Variants in TLE1 observed in about 807,000 individuals in gnomAD.
TLE1 encodes transducin-like enhancer protein 1.
A neutral mutation model predicts 89.8 loss-of-function variants in TLE1; 21 were observed. The ratio of observed to expected loss-of-function variants is 0.23; its 90% CI spans 0.17 to 0.34. TLE1 has a LOEUF of 0.34. Ranked by LOEUF, TLE1 falls within the 10% of genes least tolerant of loss-of-function variation. The probability of loss-of-function intolerance (pLI) is 1.00; values close to 1 mark genes in which losing one functional copy is unlikely to be tolerated. For synonymous variants in TLE1, 447 were observed against 407.6 expected (o/e 1.10, Z -1.16); for missense variants, 795 against 1,031.2 (o/e 0.77, Z 3.14).
rs994669768 is a variant in TLE1 at position 81,655,437 on chromosome 9, G to A, written c.235-1401C>T. On this transcript the variant is annotated intron_variant, in intron 4 of 19. Coordinates refer to ENST00000376499, the MANE Select transcript of TLE1 (RefSeq NM_005077.5). ...TCCACAGCAGTCCCTCTGCTACAAG[G>A]GACAAAAACTGGCAAGAGAGGGAAC... Among the ~76,000 whole-genome samples the A allele has an allele frequency of 2.0e-5, 3 of 151,982 alleles. No homozygotes were observed. The South Asian group carries it at 6.2e-4, about 32-fold the overall frequency.
In TLE1 at chr9:81,688,505, A is replaced by G. The variant is rs1218095992; in HGVS notation, c.-265T>C. On this transcript the variant is annotated 5_prime_UTR_variant, in exon 1 of 20. Coordinates refer to ENST00000376499, the MANE Select transcript of TLE1 (RefSeq NM_005077.5). ...AGCTGCTTCAAGAACCTGCGCGGAGACGTCGGGCGCTCGGGGACTGTGCGC... is the reference window on the plus strand; with the variant it reads ...AGCTGCTTCAAGAACCTGCGCGGAGGCGTCGGGCGCTCGGGGACTGTGCGC... 2 of 386,242 alleles carry G rather than the reference A, an allele frequency of 5.2e-6. No individual in the cohort carries two copies. Among genetic ancestry groups the G allele is most frequent in the African/African-American group, 2.1e-5 (1 of 47,254 alleles). 23.9% of individuals were successfully genotyped at this position (386,242 alleles called of 1,614,324 possible).
rs145608688 is a variant in TLE1, at chr9:81,659,425, C to G, written c.235-5389G>C. The stretch of plus-strand genomic sequence containing the variant: ...TAAGTCATAATGCTTATAAACTTTC[C>G]CTGTGCCTAGATTTTTTAATACTGT... On this transcript the variant is annotated intron_variant, in intron 4 of 19. Transcript: ENST00000376499. Among the ~76,000 whole-genome samples, 80 of 152,212 alleles carry G rather than the reference C, an allele frequency of 5.3e-4. 1 individual carries two copies. The East Asian group carries it at 0.014, about 27-fold the overall frequency.
intron 8 of TLE1, among the ~76,000 whole-genome samples, chr9:81,621,161 G>C (rs902408061): frequency 2.0e-5 from 3 of 152,156 alleles, no homozygotes; most frequent in African/African-American, 7.2e-5. Context: ...TTCAGCCAGT[G>C]AATCTTCAAT....
At chr9:81,687,502 A>C (rs928226249) in intron 1 of TLE1, 68 bp from the exon 2 acceptor site, 42 of 1,225,286 alleles carry the variant, frequency 3.4e-5, no homozygotes, top group Non-Finnish European at 4.8e-5. Flanking sequence ...AGTAAGTCAG[A>C]GAAGGCAAGA....
At chr9:81,629,716 A>G (rs1157134057) in intron 8 of TLE1, among the ~76,000 whole-genome samples, 1 of 152,224 alleles carries the variant, frequency 6.6e-6, no homozygotes, top group East Asian at 1.9e-4. Context: ...AAACCTGTAC[A>G]TGTTACTGTC....
chr9:81,686,481 A>G (rs997630414), intron 2 of TLE1, among the ~76,000 whole-genome samples: 7 of 152,224 alleles, frequency 4.6e-5, no homozygotes, highest in Admixed American at 2.6e-4. Flanking sequence ...TATTATCTAC[A>G]AGTAGACAAA....
chr9:81,654,505 T>C (rs1291047602), intron 4 of TLE1, among the ~76,000 whole-genome samples: 2 of 152,190 alleles, frequency 1.3e-5, no homozygotes, highest in African/African-American at 2.4e-5. Flanking sequence ...CACTCCCGGC[T>C]AATTTTTTTC....
intron 15 of TLE1, among the ~76,000 whole-genome samples, chr9:81,591,324 T>C (rs891488807): frequency 2.0e-5 from 3 of 152,214 alleles, no homozygotes; most frequent in Non-Finnish European, 1.5e-5. Flanking sequence ...GGTGTACACA[T>C]AGTTCCCTGA....
rs934383785 is a variant in TLE1, at chr9:81,689,377, G to C, written c.-1137C>G. On this transcript the variant is annotated 5_prime_UTR_variant, in exon 1 of 20. Coordinates refer to ENST00000376499, the MANE Select transcript of TLE1 (RefSeq NM_005077.5). ...GTTTTGGTCGCCGCGGGACGACGGA[G>C]GTCCGGGCTGGTGGCGCGGGTCCCG... 1 of 152,442 alleles carries C rather than the reference G, an allele frequency of 6.6e-6. No individual in the cohort carries two copies. Among genetic ancestry groups the C allele is most frequent in the Non-Finnish European group, 1.5e-5 (1 of 68,280 alleles). The allele number at this position is 152,442 out of a possible 1,614,324, so 9.4% of individuals were successfully genotyped here.
rs181977818 is a variant in TLE1, at chr9:81,630,662, C to A, written c.594+2686G>T. ...ACTGGCCTGTAGCAACCACCCTTAA[C>A]CTTTCACTGGATTAAAAAACAGCAG... On this transcript the variant is annotated intron_variant, in intron 8 of 19. Coordinates refer to ENST00000376499, the MANE Select transcript of TLE1 (RefSeq NM_005077.5). Among the ~76,000 whole-genome samples, 6 of 152,288 alleles carry A rather than the reference C, an allele frequency of 3.9e-5. No individual in the cohort carries two copies. The East Asian group carries it at 7.7e-4, about 20-fold the overall frequency.
chr9:81,688,886 G>C lies in TLE1; in HGVS notation c.-646C>G, dbSNP rs1834701891. On this transcript the variant is annotated 5_prime_UTR_variant, in exon 1 of 20. Transcript: ENST00000376499. ...CGCAGCGGAGGCTCCTGGCCGGGGAGCGACGGATGACGAGGCGGGGAAAGT... is the reference window on the plus strand; with the variant it reads ...CGCAGCGGAGGCTCCTGGCCGGGGACCGACGGATGACGAGGCGGGGAAAGT... The C allele has an allele frequency of 6.6e-6, 1 of 152,400 alleles. No homozygotes were observed. The highest frequency in any genetic ancestry group is 2.1e-4 in the South Asian group (1 of 4,840). The allele number at this position is 152,400 out of a possible 1,614,324, so 9.4% of individuals were successfully genotyped here.
At chr9:81,621,686 G>A (rs1825277154) in intron 8 of TLE1, among the ~76,000 whole-genome samples, 1 of 152,178 alleles carries the variant, frequency 6.6e-6, no homozygotes, top group Non-Finnish European at 1.5e-5. Context: ...AAAGCCCTGA[G>A]TTTCATTCCT....
At chr9:81,661,184 A>G (rs1288840774) in intron 4 of TLE1, among the ~76,000 whole-genome samples, 1 of 106,808 alleles carries the variant, frequency 9.4e-6, no homozygotes, top group Non-Finnish European at 1.8e-5. Context: ...ATATATATGT[A>G]TTTTTATATA....
Position 81,688,391 on chromosome 9 carries a change from G to C in TLE1, c.-151C>G, listed in dbSNP as rs941070203. ...CACGCGCGCTCCGCCGGGCGCACCG[G>C]CCACTCGGCGCCCGCAGCTGCTCCG... On this transcript the variant is annotated 5_prime_UTR_variant, in exon 1 of 20. Coordinates refer to ENST00000376499, the MANE Select transcript of TLE1 (RefSeq NM_005077.5). 1 of 814,348 alleles carries C rather than the reference G, an allele frequency of 1.2e-6. No individual in the cohort carries two copies. The highest frequency in any genetic ancestry group is 1.8e-6 in the Non-Finnish European group (1 of 566,310). The allele number at this position is 814,348 out of a possible 1,614,324, so 50.4% of individuals were successfully genotyped here.
At chr9:81,594,635 C>T (rs986201050) in intron 14 of TLE1, among the ~76,000 whole-genome samples, 2 of 152,216 alleles carry the variant, frequency 1.3e-5, no homozygotes, top group Middle Eastern at 6.8e-3. Flanking sequence ...AAGTTCAAAC[C>T]ATAAACAATA....
At chr9:81,587,639 C>A (rs948775708) in intron 17 of TLE1, 42 bp downstream of exon 17, 20 of 1,568,696 alleles carry the variant, frequency 1.3e-5, no homozygotes, top group Non-Finnish European at 1.7e-5. Context: ...CACACCCCAG[C>A]CACCTCCCAG....
At chr9:81,626,925 C>G (rs919461810) in intron 8 of TLE1, among the ~76,000 whole-genome samples, 3 of 152,156 alleles carry the variant, frequency 2.0e-5, no homozygotes, top group African/African-American at 7.2e-5. Context: ...CTGCCGTTCC[C>G]CAGCTCAGGA....
intron 8 of TLE1, among the ~76,000 whole-genome samples, chr9:81,631,393 C>T (rs997481271): frequency 2.0e-5 from 3 of 152,218 alleles, no homozygotes; most frequent in Non-Finnish European, 2.9e-5. Flanking sequence ...CCTATTCACA[C>T]CCCTGGCATT....
At chr9:81,645,899 T>G (rs1198934813) in intron 6 of TLE1, among the ~76,000 whole-genome samples, 1 of 152,108 alleles carries the variant, frequency 6.6e-6, no homozygotes, top group Non-Finnish European at 1.5e-5. Flanking sequence ...AATAAAAAAT[T>G]TAAAAACACA....
Sources: allele counts gnomAD v4.1 joint callset (sites outside exome capture counted in the v4.1 genomes callset), GRCh38; gene constraint gnomAD v4.1.1; transcripts MANE v1.5; gene names NCBI Gene and HGNC (gene_info 2026-07-23, HGNC 2026-07-21).